The following CAMSAP2 variants were observed in gnomAD, a reference collection of about 807,000 sequenced individuals.
CAMSAP2 encodes the protein calmodulin regulated spectrin associated protein family member 2, also known as calmodulin-regulated spectrin-associated protein 2.
Under a neutral mutation model 146.1 loss-of-function variants are expected in CAMSAP2, and 26 were observed. The ratio of observed to expected loss-of-function variants is 0.18; its 90% confidence interval spans 0.13 to 0.25. The LOEUF is 0.25. CAMSAP2 is among the 10% of genes least tolerant of loss of function. The pLI is 1.00. For missense variants in CAMSAP2, 1,381 were observed against 1,759.3 expected, an observed-to-expected ratio of 0.78 and a Z score of 3.85; for synonymous variants, 499 against 596.6, an observed-to-expected ratio of 0.84 and a Z score of 2.38.
chr1:200,775,311 T>C lies in CAMSAP2; in HGVS notation c.399+14213T>C, dbSNP rs74812030. Among the ~76,000 whole-genome samples, 1,130 of 152,316 alleles carry C rather than the reference T, an allele frequency of 7.4e-3. 12 individuals are homozygous for C. The highest frequency in any genetic ancestry group is 0.044 in the Middle Eastern group (13 of 294). On this transcript the variant is annotated intron_variant, in intron 2 of 16. Transcript: ENST00000358823. ...ATTTTGGTAGTGAGCAAGATTGATA[T>C]GGAGAGTGATAAGAGATCTGGTTGA...
Position 200,739,746 on chromosome 1 carries a change from C to A in CAMSAP2, c.-82C>A, listed in dbSNP as rs369375242. ...GCCCCGATGGTTTGAGCTTGCTTCT[C>A]CCTCCCTCCCGACCCCCGTGGTGGC... is the stretch of plus-strand genomic sequence containing the variant. On this transcript the variant is annotated 5_prime_UTR_variant, in exon 1 of 17. Transcript: ENST00000358823. The surrounding 1 kb of genome is among the most constrained non-coding windows in gnomAD (Gnocchi z 4.8). 205 of 1,167,816 alleles carry A rather than the reference C, an allele frequency of 1.8e-4. No individual in the cohort carries two copies. The highest frequency in any genetic ancestry group is 2.1e-4 in the East Asian group (6 of 27,960). 72.3% of individuals were successfully genotyped at this position (1,167,816 alleles called of 1,614,324 possible). A position where few individuals can be genotyped will look rare whatever the true frequency, so the allele number is the denominator to read the frequency against.
At chr1:200,781,928 T>G (rs1182246863) in intron 2 of CAMSAP2, among the ~76,000 whole-genome samples, 2 of 152,202 alleles carry the variant, frequency 1.3e-5, no homozygotes. Flanking sequence ...AACTCCATTA[T>G]TAGTGAACCA....
At chr1:200,755,280 A>G (rs1289227400) in intron 1 of CAMSAP2, among the ~76,000 whole-genome samples, 1 of 152,210 alleles carries the variant, frequency 6.6e-6, no homozygotes, top group African/African-American at 2.4e-5. Flanking sequence ...GTATAGCTAA[A>G]TCTATTTCTT....
At chr1:200,786,858 G>A (rs1406651011) in intron 2 of CAMSAP2, among the ~76,000 whole-genome samples, 1 of 152,154 alleles carries the variant, frequency 6.6e-6, no homozygotes, top group Non-Finnish European at 1.5e-5. Flanking sequence ...ATCGAAGCCA[G>A]TGCTCATTTA....
intron 4 of CAMSAP2, chr1:200,828,605 A>C: frequency 6.5e-7 from 1 of 1,550,000 alleles, no homozygotes; most frequent in Non-Finnish European, 8.7e-7. Flanking sequence ...AACTGGTTCC[A>C]GTAAGTTTGC....
chr1:200,851,031 T>A (rs1260633667), intron 11 of CAMSAP2, among the ~76,000 whole-genome samples: 1 of 152,232 alleles, frequency 6.6e-6, no homozygotes, highest in Admixed American at 6.5e-5. Flanking sequence ...TAAAGCCTTT[T>A]ATAATTCCTT....
intron 1 of CAMSAP2, among the ~76,000 whole-genome samples, chr1:200,749,654 C>T (rs1292857129): frequency 6.6e-6 from 1 of 152,192 alleles, no homozygotes; most frequent in Non-Finnish European, 1.5e-5. Context: ...TTAAAACTAG[C>T]TCCTTATCTA....
chr1:200,800,773 A>G (rs1666013078), intron 2 of CAMSAP2, among the ~76,000 whole-genome samples: 1 of 152,128 alleles, frequency 6.6e-6, no homozygotes, highest in Admixed American at 6.5e-5. Context: ...GGTCTTTACA[A>G]TTTGGTATGT....
chr1:200,814,541 C>T (rs557925304), intron 3 of CAMSAP2, among the ~76,000 whole-genome samples: 3 of 136,444 alleles, frequency 2.2e-5, no homozygotes, highest in South Asian at 4.7e-4. Context: ...ACCCAGGAGA[C>T]GGAGGCTGCA....
chr1:200,762,064 T>A (rs1218953128), intron 2 of CAMSAP2, among the ~76,000 whole-genome samples: 1 of 152,226 alleles, frequency 6.6e-6, no homozygotes, highest in Non-Finnish European at 1.5e-5. Flanking sequence ...GAGTAGTAGT[T>A]TTGCTTGGGA....
intron 14 of CAMSAP2, among the ~76,000 whole-genome samples, chr1:200,855,619 C>T (rs1022081352): frequency 9.9e-5 from 15 of 150,828 alleles, no homozygotes; most frequent in South Asian, 2.1e-4. Context: ...TTTTTTGAGA[C>T]GGAGTCTTTC....
intron 2 of CAMSAP2, among the ~76,000 whole-genome samples, chr1:200,788,551 G>A (rs1439940616): frequency 6.6e-6 from 1 of 151,960 alleles, no homozygotes; most frequent in Admixed American, 6.6e-5. Context: ...TCCAGTATTT[G>A]GTGTTGTCAG....
At chr1:200,785,755 T>A (rs2103026428) in intron 2 of CAMSAP2, among the ~76,000 whole-genome samples, 1 of 151,970 alleles carries the variant, frequency 6.6e-6, no homozygotes, top group East Asian at 1.9e-4. Context: ...TGGCGTGATC[T>A]TGGCTCACTG....
At position 200,856,045 on chromosome 1, in the gene CAMSAP2, G is replaced by A. The variant is rs200418663; in HGVS notation, c.3932G>A (p.Arg1311His). 3.4e-5 allele frequency: 55 copies of A among 1,613,794 alleles called. No homozygotes were observed. In the Admixed American group the frequency reaches 7.0e-4, roughly 21 times the overall value. Residue 1311 changes from arginine to histidine, a missense_variant, in exon 15 of 17, where the codon CGT becomes CAT. Arg to His is a conservative substitution (Grantham distance 29, BLOSUM62 0). Around this residue, in one of 4 missense-constraint regions of CAMSAP2, gnomAD observed 560 missense variants for 715.9 expected, o/e 0.78. Transcript: ENST00000358823. ...ESVEGFLSPS[R>H]CGSRNGEKDW... ...GTAGAAGGCTTCTTATCTCCAAGTC[G>A]TTGTGGCAGTCGAAATGGAGAAAAA...
intron 2 of CAMSAP2, among the ~76,000 whole-genome samples, chr1:200,778,935 C>A (rs912964431): frequency 3.3e-5 from 5 of 152,058 alleles, no homozygotes; most frequent in African/African-American, 1.2e-4. Flanking sequence ...TGGGGCCTGG[C>A]ACAAGACAAT....
At chr1:200,801,013 T>C (rs57559028) in intron 2 of CAMSAP2, among the ~76,000 whole-genome samples, 426 of 152,236 alleles carry the variant, frequency 2.8e-3, no homozygotes, top group African/African-American at 9.4e-3. Context: ...CACCTGTAAT[T>C]GCAGCACTTT....
chr1:200,845,255 G>A (rs1181288911), intron 8 of CAMSAP2, among the ~76,000 whole-genome samples: 1 of 72,742 alleles, frequency 1.4e-5, no homozygotes, highest in East Asian at 4.1e-4. Context: ...GGTTTTTCCT[G>A]CTTTTTTTTT....
Position 200,809,123 on chromosome 1 carries a change from G to A in CAMSAP2, c.561+1586G>A, listed in dbSNP as rs80151051. Among the ~76,000 whole-genome samples, 1,136 of 152,022 alleles carry A rather than the reference G, an allele frequency of 7.5e-3. 12 individuals are homozygous for A. The highest frequency in any genetic ancestry group is 0.044 in the Middle Eastern group (13 of 294). ...TGTTACCCATTTTCCTCTAATTCTC[G>A]GACCTTCTGTAACCCTTTCCCTACT... On this transcript the variant is annotated intron_variant, in intron 3 of 16. Coordinates refer to ENST00000358823, the MANE Select transcript of CAMSAP2 (RefSeq NM_203459.4).
At chr1:200,746,124 A>G (rs911202686) in intron 1 of CAMSAP2, among the ~76,000 whole-genome samples, 1 of 152,248 alleles carries the variant, frequency 6.6e-6, no homozygotes, top group Non-Finnish European at 1.5e-5. Flanking sequence ...AATACACTTA[A>G]AAATGGTTAA....
Sources: allele counts gnomAD v4.1 joint callset (sites outside exome capture counted in the v4.1 genomes callset), GRCh38; gene constraint gnomAD v4.1.1; regional missense constraint gnomAD v4.1.1; non-coding constraint Gnocchi (gnomAD v3.1); transcripts MANE v1.5; gene names NCBI Gene and HGNC (gene_info 2026-07-23, HGNC 2026-07-21).